Variants in SNX29 observed in about 807,000 individuals in gnomAD.
The protein encoded by SNX29 is sorting nexin-29.
In SNX29, 78 loss-of-function variants were observed where a neutral mutation model predicts 102.1. That is an observed-to-expected ratio of 0.76 (90% confidence interval 0.64 to 0.92). The LOEUF (loss-of-function observed/expected upper bound fraction) is 0.92, where lower values mean the gene tolerates loss of function less well. Among genes scored for constraint, SNX29 ranks in the 40% least tolerant of loss-of-function variants. The pLI is 0.00. For synonymous variants in SNX29, 580 were observed against 414.5 expected (o/e 1.40, Z -4.85); for missense variants, 1,280 against 1,061.7 (o/e 1.21, Z -2.86).
At chr16:12,406,783 C>T (rs1364483642) in intron 18 of SNX29, among the ~76,000 whole-genome samples, 1 of 152,190 alleles carries the variant, frequency 6.6e-6, no homozygotes, top group Admixed American at 6.5e-5. Flanking sequence ...CTGTTGCATG[C>T]CTGTAATCCC....
At chr16:12,320,110 G>T (rs2080882976) in intron 15 of SNX29, among the ~76,000 whole-genome samples, 1 of 152,140 alleles carries the variant, frequency 6.6e-6, no homozygotes, top group Non-Finnish European at 1.5e-5. Flanking sequence ...GGAGAGAGAT[G>T]AACAAAGTAA....
intron 18 of SNX29, among the ~76,000 whole-genome samples, chr16:12,427,323 A>G (rs2085121691): frequency 6.6e-6 from 1 of 151,564 alleles, no homozygotes; most frequent in African/African-American, 2.4e-5. Context: ...AAAACCTCTT[A>G]TTTTTAAATG....
chr16:12,024,637 C>A (rs1439137948), intron 3 of SNX29, among the ~76,000 whole-genome samples: 2 of 152,182 alleles, frequency 1.3e-5, no homozygotes, highest in Middle Eastern at 3.2e-3. Context: ...CTCTGTGACA[C>A]AGTACTGATG....
intron 14 of SNX29, among the ~76,000 whole-genome samples, chr16:12,219,822 C>T (rs1567325447): frequency 6.6e-6 from 1 of 152,212 alleles, no homozygotes; most frequent in African/African-American, 2.4e-5. Context: ...AGACATACCT[C>T]TTGGCCAAGC....
At chr16:12,377,581 G>T (rs545851643) in intron 16 of SNX29, among the ~76,000 whole-genome samples, 4 of 152,338 alleles carry the variant, frequency 2.6e-5, no homozygotes, top group Admixed American at 1.3e-4. Flanking sequence ...TCAACGGGTA[G>T]GTTATGAGGC....
Position 12,569,349 on chromosome 16 carries a change from T to G in SNX29, c.*720T>G, listed in dbSNP as rs2079136278. The G allele has an allele frequency of 4.3e-6, 1 of 230,352 alleles. No individual in the cohort carries two copies. 14.3% of individuals were successfully genotyped at this position (230,352 alleles called of 1,614,324 possible). ...CCATAGCCTGAGGCCACCTAGGCCC[T>G]CGCCAGGCTTGGAGTGGGGGGACTC... On this transcript the variant is annotated 3_prime_UTR_variant, in exon 21 of 21. Transcript: ENST00000566228.
In SNX29 at chr16:12,033,610, C is replaced by CT. The variant is rs869128492; in HGVS notation, c.247+6181dup. On this transcript the variant is annotated intron_variant, in intron 4 of 20. Transcript: ENST00000566228. ...TATGGAACTACCCGTTTTCTTTTTT[C>CT]TTTTTTTTTTTTTTTGAGATGGAGT... Among the ~76,000 whole-genome samples the CT allele has an allele frequency of 9.8e-3, 1,374 of 140,084 alleles. 12 individuals carry two copies. Among genetic ancestry groups the CT allele is most frequent in the East Asian group, 0.041 (200 of 4,868 alleles). The allele number at this position is 140,084 out of a possible 152,430, so 91.9% of individuals were successfully genotyped here. A position where few individuals can be genotyped will look rare whatever the true frequency, so the allele number is the denominator to read the frequency against.
chr16:12,570,097 C>A lies in SNX29; in HGVS notation c.*1468C>A. 6.3e-6 allele frequency: 6 copies of A among 949,440 alleles called. No homozygotes were observed. The highest frequency in any genetic ancestry group is 7.7e-6 in the Non-Finnish European group (6 of 774,226). The allele number at this position is 949,440 out of a possible 1,614,324, so 58.8% of individuals were successfully genotyped here. A position where few individuals can be genotyped will look rare whatever the true frequency, so the allele number is the denominator to read the frequency against. ...GAAGGTTTATACTGTGCCTTCCCCT[C>A]GTAGCAAAAAGGAAGATTGTTCATG... On this transcript the variant is annotated 3_prime_UTR_variant, in exon 21 of 21. Transcript: ENST00000566228.
chr16:12,121,544 T>G (rs1277802221), intron 11 of SNX29, among the ~76,000 whole-genome samples: 1 of 152,238 alleles, frequency 6.6e-6, no homozygotes, highest in Non-Finnish European at 1.5e-5. Context: ...TGAGTCACCT[T>G]AGGCTACAGG....
chr16:12,566,560 G>C (rs866588463), intron 20 of SNX29, among the ~76,000 whole-genome samples: 1 of 152,148 alleles, frequency 6.6e-6, no homozygotes, highest in Non-Finnish European at 1.5e-5. Flanking sequence ...TGAGGGCATG[G>C]CTTTAAACTG....
At chr16:12,318,430 C>T (rs1014858953) in intron 15 of SNX29, among the ~76,000 whole-genome samples, 1 of 152,138 alleles carries the variant, frequency 6.6e-6, no homozygotes. Flanking sequence ...CGGTCAGAGT[C>T]GGGAACGTGA....
chr16:12,562,360 G>A (rs1300029687), intron 20 of SNX29, among the ~76,000 whole-genome samples: 1 of 148,846 alleles, frequency 6.7e-6, no homozygotes, highest in African/African-American at 2.5e-5. Context: ...CTTTATTTTT[G>A]CTTGCACCAT....
At chr16:12,192,392 C>T (rs756613337) in intron 13 of SNX29, among the ~76,000 whole-genome samples, 82 of 152,354 alleles carry the variant, frequency 5.4e-4, no homozygotes, top group Non-Finnish European at 1.1e-3. Context: ...TGGCCACCAT[C>T]GTTTCTTGCC....
At chr16:12,350,202 G>C (rs191661139) in intron 15 of SNX29, among the ~76,000 whole-genome samples, 8 of 152,140 alleles carry the variant, frequency 5.3e-5, no homozygotes, top group African/African-American at 1.9e-4. Flanking sequence ...CTGTATCTGC[G>C]ACTCTGCATC....
At chr16:12,476,383 AATATATATATAT>A (rs1567603099) in intron 18 of SNX29, among the ~76,000 whole-genome samples, 39 of 9,492 alleles carry the variant, frequency 4.1e-3, no homozygotes, top group Admixed American at 0.016. Flanking sequence ...AAAAAAAAAA[AATATATATATAT>A]ATATATATAT....
At chr16:12,476,419 T>TACAC (rs1567603402) in intron 18 of SNX29, among the ~76,000 whole-genome samples, 3 of 41,202 alleles carry the variant, frequency 7.3e-5, no homozygotes, top group East Asian at 1.2e-3. Flanking sequence ...TATACATATA[T>TACAC]ATATATATAT....
chr16:12,295,376 A>C (rs1008085540), intron 15 of SNX29, among the ~76,000 whole-genome samples: 3 of 152,068 alleles, frequency 2.0e-5, no homozygotes, highest in African/African-American at 4.8e-5. Flanking sequence ...CTTCCTACCA[A>C]CCCAAGGACT....
chr16:12,535,439 C>T (rs2077048179), intron 20 of SNX29, among the ~76,000 whole-genome samples: 1 of 152,206 alleles, frequency 6.6e-6, no homozygotes, highest in Admixed American at 6.5e-5. Flanking sequence ...GCCAGCTTTT[C>T]ATTTATTAAC....
At chr16:12,559,567 T>A (rs765639265) in intron 20 of SNX29, among the ~76,000 whole-genome samples, 1 of 152,042 alleles carries the variant, frequency 6.6e-6, no homozygotes, top group Non-Finnish European at 1.5e-5. Flanking sequence ...ATTTTTCTTA[T>A]ACATAACTCA....
Sources: gnomAD v4.1 joint callset for allele counts (sites outside exome capture counted in the v4.1 genomes callset) on GRCh38, gnomAD v4.1.1 for gene constraint, MANE v1.5 for transcripts, NCBI Gene and HGNC (gene_info 2026-07-23, HGNC 2026-07-21) for gene names.